Variants in MPHOSPH10 observed in about 807,000 individuals in gnomAD.
MPHOSPH10 encodes M-phase phosphoprotein 10.
MPHOSPH10 carries 33 observed loss-of-function variants against 77.3 expected under a neutral mutation model. The ratio of observed to expected loss-of-function variants is 0.43; its 90% CI spans 0.32 to 0.57. The LOEUF (loss-of-function observed/expected upper bound fraction) is 0.57. Among genes scored for constraint, MPHOSPH10 ranks in the 20% least tolerant of loss-of-function variants. The probability of loss-of-function intolerance (pLI) is 0.07; values close to 1 mark genes in which losing one functional copy is unlikely to be tolerated. For missense variants in MPHOSPH10, 708 were observed against 780.1 expected, an observed-to-expected ratio of 0.91 and a Z score of 1.10; for synonymous variants, 245 against 268.0, an observed-to-expected ratio of 0.91 and a Z score of 0.84.
At chr2:71,140,915 C>G (rs1317060572) in intron 6 of MPHOSPH10, among the ~76,000 whole-genome samples, 1 of 152,018 alleles carries the variant, frequency 6.6e-6, no homozygotes, top group Non-Finnish European at 1.5e-5. Context: ...AGTTGGTAAC[C>G]AGGTAGGAAG....
intron 5 of MPHOSPH10, 93 bp from the exon 6 acceptor site, chr2:71,139,702 C>G (rs1362369198): frequency 1.2e-6 from 1 of 810,564 alleles, no homozygotes; most frequent in Non-Finnish European, 2.0e-6. Flanking sequence ...TAACAAGTTC[C>G]CACGTGTTGC....
rs1223415892 is a variant in MPHOSPH10, at chr2:71,133,114, A to C, written c.306A>C (p.Glu102Asp). Residue 102 changes from glutamate to aspartate, a missense_variant, in exon 2 of 11, where the codon GAA (glutamate) becomes GAC (aspartate). Glu to Asp is a conservative substitution (Grantham distance 45). Coordinates refer to ENST00000244230, the MANE Select transcript of MPHOSPH10 (RefSeq NM_005791.3). Reference sequence around the variant, plus strand: ...CAGTTAGTGAAACAATTAATGATGAAGATATCAGTCTTCTCCCAGAGAGTG... The same window carrying C: ...CAGTTAGTGAAACAATTAATGATGACGATATCAGTCTTCTCCCAGAGAGTG... ...QNAVSETINDEDISLLPESEE... is the reference protein window; with the variant it reads ...QNAVSETINDDDISLLPESEE... 3 of 1,614,174 alleles carry C rather than the reference A, an allele frequency of 1.9e-6. No individual in the cohort carries two copies. In the East Asian group the frequency reaches 6.7e-5, roughly 36 times the overall value.
At chr2:71,136,907 C>T (rs1162103184) in intron 4 of MPHOSPH10, among the ~76,000 whole-genome samples, 1 of 92,508 alleles carries the variant, frequency 1.1e-5, no homozygotes, top group Non-Finnish European at 2.0e-5. Context: ...ACAGAGGTAG[C>T]ATTAAAACAC....
At chr2:71,142,333 G>A (rs1455053209) in intron 7 of MPHOSPH10, among the ~76,000 whole-genome samples, 1 of 152,214 alleles carries the variant, frequency 6.6e-6, no homozygotes, top group Non-Finnish European at 1.5e-5. Context: ...GCAATCCAAG[G>A]TGGTAGCTGA....
chr2:71,140,213 C>T (rs1673585835), intron 6 of MPHOSPH10, among the ~76,000 whole-genome samples: 1 of 152,130 alleles, frequency 6.6e-6, no homozygotes, highest in South Asian at 2.1e-4. Flanking sequence ...GTATATATGT[C>T]CTAGTCTTTT....
At chr2:71,142,083 G>A (rs997709568) in intron 7 of MPHOSPH10, among the ~76,000 whole-genome samples, 1 of 152,004 alleles carries the variant, frequency 6.6e-6, no homozygotes, top group African/African-American at 2.4e-5. Flanking sequence ...ATAGGACAAG[G>A]TCCTATTCCT....
chr2:71,130,781 G>A (rs766348455), intron 1 of MPHOSPH10, 27 bp downstream of exon 1: 18 of 1,586,192 alleles, frequency 1.1e-5, no homozygotes, highest in Non-Finnish European at 1.5e-5. Context: ...CGGGCTCGGG[G>A]TGCGACCGGG....
Position 71,149,366 on chromosome 2 carries a change from T to C in MPHOSPH10, c.1809T>C (p.Ser603=). Residue 603 remains serine (S), a synonymous_variant, in exon 10 of 11, where the codon AGT becomes AGC. Coordinates refer to ENST00000244230, the MANE Select transcript of MPHOSPH10 (RefSeq NM_005791.3). Reference sequence around the variant, plus strand: ...GGAGAAAACTGCTTGAAAAGAGCAGTGTAGATCAAGCAGGGAAATACAGCA... The same window carrying C: ...GGAGAAAACTGCTTGAAAAGAGCAGCGTAGATCAAGCAGGGAAATACAGCA... ...EKRRKLLEKS[S]VDQAGKYSKT... is the part of the protein sequence containing the mutation. 1 of 1,614,016 alleles carries C rather than the reference T, an allele frequency of 6.2e-7. No individual in the cohort carries two copies. The highest frequency in any genetic ancestry group is 1.1e-5 in the South Asian group (1 of 91,064).
Position 71,138,643 on chromosome 2 carries a change from T to A in MPHOSPH10, c.1240+12T>A, listed in dbSNP as rs1385917463. On this transcript the variant is annotated intron_variant, in intron 5 of 10. Transcript: ENST00000244230. ...TGCTGTCCGGATGGGTATGGTGCCC[T>A]CTTCTGTAGTTTTCATGTCTGTGCT... 6.2e-7 allele frequency: 1 copy of A among 1,613,992 alleles called. No homozygotes were observed. The highest frequency in any genetic ancestry group is 1.1e-5 in the South Asian group (1 of 91,068).
chr2:71,132,647 A>G lies in MPHOSPH10; in HGVS notation c.90-251A>G, dbSNP rs553909045. 2.2e-4 allele frequency among the ~76,000 whole-genome samples: 34 copies of G among 152,326 alleles called. 1 individual carries two copies. The highest frequency in any genetic ancestry group is 6.2e-4 in the South Asian group (3 of 4,828). On this transcript the variant is annotated intron_variant, in intron 1 of 10. Transcript: ENST00000244230. ...TGATAATTTAAGGTTAATTCACTAT[A>G]TATCTCCAAGCAAATAGATTTATAA...
Position 71,133,349 on chromosome 2 carries a change from G to C in MPHOSPH10, c.541G>C (p.Glu181Gln), listed in dbSNP as rs764534217. The C allele has an allele frequency of 1.4e-5, 23 of 1,614,112 alleles. No individual in the cohort carries two copies. The highest frequency in any genetic ancestry group is 1.9e-5 in the Non-Finnish European group (23 of 1,179,998). Residue 181 changes from glutamate (E) to glutamine (Q), a missense_variant, in exon 2 of 11, where the codon GAA (glutamate) becomes CAA (glutamine). Coordinates refer to ENST00000244230, the MANE Select transcript of MPHOSPH10 (RefSeq NM_005791.3). ...CCTTGACTTTGATATCAGCAAATTG[G>C]AACAGCAGAGCAAGGTGCAAAACAA... ...SDLDFDISKL[E>Q]QQSKVQNKGQ...
intron 9 of MPHOSPH10, chr2:71,148,920 G>A (rs757751283): frequency 8.2e-6 from 3 of 363,684 alleles, no homozygotes; most frequent in Middle Eastern, 7.7e-4. Context: ...AAATGCTGTG[G>A]AGGGCTGGCT....
In MPHOSPH10 at chr2:71,144,520, C is replaced by T. The variant is rs1010460385; in HGVS notation, c.1539C>T (p.Phe513=). 6.2e-6 allele frequency: 10 copies of T among 1,612,762 alleles called. No individual in the cohort carries two copies. In the African/African-American group the frequency reaches 9.3e-5, roughly 15 times the overall value. ...LFLKLDALSN[F]HFIPKPPVPE... is the part of the protein sequence containing the mutation. ...TAAAATTGGATGCCCTCTCAAACTT[C>T]CACTTTATCCCTAAACCGGTAAGTG... The change falls in exon 8 of 11, where the codon TTC becomes TTT. Residue 513 remains phenylalanine, a synonymous_variant. Transcript: ENST00000244230.
chr2:71,150,030 A>C lies in MPHOSPH10; in HGVS notation c.*15A>C. ...TAAAGCTGTAATATATTTTGAATATAATGTAAATATTAATGTGTAAGCTTA... is the reference window on the plus strand; with the variant it reads ...TAAAGCTGTAATATATTTTGAATATCATGTAAATATTAATGTGTAAGCTTA... On this transcript the variant is annotated 3_prime_UTR_variant, in exon 11 of 11. Coordinates refer to ENST00000244230, the MANE Select transcript of MPHOSPH10 (RefSeq NM_005791.3). 1 of 1,185,316 alleles carries C rather than the reference A, an allele frequency of 8.4e-7. No homozygotes were observed. The highest frequency in any genetic ancestry group is 1.2e-6 in the Non-Finnish European group (1 of 860,130). 73.4% of individuals were successfully genotyped at this position (1,185,316 alleles called of 1,614,324 possible). A position where few individuals can be genotyped will look rare whatever the true frequency, so the allele number is the denominator to read the frequency against.
intron 1 of MPHOSPH10, among the ~76,000 whole-genome samples, chr2:71,131,183 A>G (rs1260218067): frequency 2.6e-5 from 4 of 152,188 alleles, no homozygotes; most frequent in Non-Finnish European, 5.9e-5. Context: ...TCTCTTCCCA[A>G]CACAAGCGTT....
At chr2:71,140,872 T>C (rs1572899628) in intron 6 of MPHOSPH10, among the ~76,000 whole-genome samples, 2 of 152,292 alleles carry the variant, frequency 1.3e-5, no homozygotes, top group South Asian at 4.1e-4. Flanking sequence ...GCTTGACTTT[T>C]AAACAAACTG....
intron 9 of MPHOSPH10, 34 bp from the exon 10 acceptor site, chr2:71,149,189 T>G: frequency 1.3e-6 from 2 of 1,512,102 alleles, no homozygotes; most frequent in East Asian, 4.9e-5. Flanking sequence ...TTAAACTTGA[T>G]GAATGAATAT....
rs766242051 is a variant in MPHOSPH10 at position 71,134,651 on chromosome 2, A to G, written c.952A>G (p.Asn318Asp). The G allele has an allele frequency of 1.7e-5, 27 of 1,605,114 alleles. No individual in the cohort carries two copies. The highest frequency in any genetic ancestry group is 2.3e-5 in the Non-Finnish European group (27 of 1,177,624). The change falls in exon 4 of 11, where the codon AAT becomes GAT. Residue 318 changes from asparagine (N) to aspartate (D), a missense_variant. Physicochemically the swap from Asn to Asp is conservative, Grantham distance 23. Coordinates refer to ENST00000244230, the MANE Select transcript of MPHOSPH10 (RefSeq NM_005791.3). Reference sequence around the variant, plus strand: ...GGATGAAGATGATGACCTTCAAGAAAATGAAGACAATAAACAACATAAAGA... The same window carrying G: ...GGATGAAGATGATGACCTTCAAGAAGATGAAGACAATAAACAACATAAAGA... The part of the protein sequence containing the change: ...ETDEDDDLQE[N>D]EDNKQHKESL...
Position 71,141,343 on chromosome 2 carries a change from G to T in MPHOSPH10, c.1420G>T (p.Glu474Ter). The change falls in exon 7 of 11, where the codon GAA (glutamate) becomes TAA (stop). Residue 474 changes from glutamate to a stop codon, truncating the protein, a stop_gained. Coordinates refer to ENST00000244230, the MANE Select transcript of MPHOSPH10 (RefSeq NM_005791.3). LOFTEE classifies it high-confidence loss of function. ...TAAATTGAGCCTTGCTGAAATTTAT[G>T]AACAGGAGTACATCAAACTCAACCA... ...KSKLSLAEIY[E>*]QEYIKLNQQK... 6.4e-7 allele frequency: 1 copy of T among 1,561,416 alleles called. No homozygotes were observed. The highest frequency in any genetic ancestry group is 1.2e-5 in the South Asian group (1 of 81,340).
Sources: allele counts gnomAD v4.1 joint callset (sites outside exome capture counted in the v4.1 genomes callset), GRCh38; gene constraint gnomAD v4.1.1; transcripts MANE v1.5; gene names NCBI Gene and HGNC (gene_info 2026-07-23, HGNC 2026-07-21).